FMN1: variants seen among roughly 807,000 people sequenced by gnomAD.
FMN1 encodes formin-1.
FMN1 carries 110 observed loss-of-function variants against 132.4 expected under a neutral mutation model. The observed-to-expected ratio is 0.83, with a 90% CI of 0.71 to 0.97. The LOEUF (loss-of-function observed/expected upper bound fraction) is 0.97, where lower values mean the gene tolerates loss of function less well. Ranked by LOEUF, FMN1 falls within the 50% of genes least tolerant of loss-of-function variation. FMN1 has a pLI of 0.00. For missense variants in FMN1, 1,792 were observed against 1,705.3 expected (o/e 1.05, Z -0.90); for synonymous variants, 722 against 651.7 (o/e 1.11, Z -1.64).
intron 15 of FMN1, among the ~76,000 whole-genome samples, chr15:32,891,296 G>A (rs1332193503): frequency 6.6e-6 from 1 of 152,216 alleles, no homozygotes; most frequent in Non-Finnish European, 1.5e-5. Flanking sequence ...CGCCCAGGCT[G>A]GAGTGCAGTG....
At chr15:33,084,947 T>C (rs917541864) in intron 5 of FMN1, among the ~76,000 whole-genome samples, 6 of 152,198 alleles carry the variant, frequency 3.9e-5, no homozygotes, top group African/African-American at 1.2e-4. Context: ...GTTAACATCC[T>C]GATTGTGACG....
At chr15:32,803,462 T>C (rs1168802303) in intron 18 of FMN1, among the ~76,000 whole-genome samples, 1 of 152,152 alleles carries the variant, frequency 6.6e-6, no homozygotes, top group East Asian at 1.9e-4. Flanking sequence ...ATGGTTCCCA[T>C]GTGATATCTA....
At chr15:32,900,150 A>G (rs754670847) in intron 13 of FMN1, 25 bp from the exon 14 acceptor site, 30 of 1,612,530 alleles carry the variant, frequency 1.9e-5, no homozygotes, top group Non-Finnish European at 2.4e-5. Context: ...ACCAGTTATT[A>G]CGGAGCTGAA....
chr15:33,165,717 A>G lies in FMN1; in HGVS notation c.-131-10672T>C, dbSNP rs78366816. Among the ~76,000 whole-genome samples the G allele has an allele frequency of 6.1e-3, 925 of 152,202 alleles. 13 individuals carry two copies. Among genetic ancestry groups the G allele is most frequent in the African/African-American group, 0.021 (882 of 41,542 alleles). ...GTTTTTCTTTTTAACAGGCAACTGC[A>G]AAGAGACGATTGTAACCCCATTTTA... On this transcript the variant is annotated intron_variant, in intron 3 of 20. Coordinates refer to ENST00000616417, the MANE Select transcript of FMN1 (RefSeq NM_001277313.2).
intron 4 of FMN1, among the ~76,000 whole-genome samples, chr15:33,128,093 T>A (rs547780535): frequency 6.6e-6 from 1 of 151,636 alleles, no homozygotes; most frequent in Non-Finnish European, 1.5e-5. Flanking sequence ...AAACCAAGAA[T>A]GAGGCCAGAA....
intron 4 of FMN1, among the ~76,000 whole-genome samples, chr15:33,116,819 CATCT>C (rs1170841357): frequency 2.0e-5 from 3 of 152,004 alleles, no homozygotes; most frequent in South Asian, 2.1e-4. Flanking sequence ...GGTTACTATC[CATCT>C]GACTTTGGGC....
intron 7 of FMN1, among the ~76,000 whole-genome samples, chr15:33,006,968 C>G (rs1180361339): frequency 1.3e-5 from 2 of 152,048 alleles, no homozygotes; most frequent in Admixed American, 6.6e-5. Flanking sequence ...GAAATAAATT[C>G]AAGATGATCT....
chr15:33,182,093 C>T (rs1595609704), intron 2 of FMN1, among the ~76,000 whole-genome samples: 1 of 152,120 alleles, frequency 6.6e-6, no homozygotes, highest in East Asian at 1.9e-4. Flanking sequence ...AGAGAGAAGC[C>T]AGTCGGGAGG....
intron 16 of FMN1, among the ~76,000 whole-genome samples, chr15:32,880,436 G>T (rs1407570223): frequency 6.6e-6 from 1 of 152,102 alleles, no homozygotes; most frequent in Non-Finnish European, 1.5e-5. Context: ...CCTTCTCCAT[G>T]ATGCTTTTGA....
At chr15:33,129,344 T>G (rs1293436524) in intron 4 of FMN1, among the ~76,000 whole-genome samples, 1 of 152,216 alleles carries the variant, frequency 6.6e-6, no homozygotes, top group African/African-American at 2.4e-5. Context: ...TAAACTTAAC[T>G]GAGCTGAAAT....
At position 32,776,583 on chromosome 15, in the gene FMN1, G is replaced by A. The variant is rs76850222; in HGVS notation, c.4215+252C>T. On this transcript the variant is annotated intron_variant, in intron 20 of 20. Coordinates refer to ENST00000616417, the MANE Select transcript of FMN1 (RefSeq NM_001277313.2). Reference sequence around the variant, plus strand: ...CTGTACTGCGGGTAGGGTGTGGAAGGATGTGAAATGGTAAGTGACTAAATT... The same window carrying A: ...CTGTACTGCGGGTAGGGTGTGGAAGAATGTGAAATGGTAAGTGACTAAATT... 0.016 allele frequency among the ~76,000 whole-genome samples: 2,470 copies of A among 152,196 alleles called. 133 individuals carry two copies. In the East Asian group the frequency reaches 0.17, roughly 11 times the overall value.
chr15:32,967,825 T>C (rs547795840), intron 8 of FMN1, among the ~76,000 whole-genome samples: 23 of 152,246 alleles, frequency 1.5e-4, no homozygotes, highest in Non-Finnish European at 2.8e-4. Context: ...AAGTGTTATA[T>C]AAATTGAAGA....
At chr15:32,993,479 CCT>C (rs777165984) in intron 7 of FMN1, among the ~76,000 whole-genome samples, 18 of 152,176 alleles carry the variant, frequency 1.2e-4, no homozygotes, top group South Asian at 6.2e-4. Context: ...GAAACTGCCC[CCT>C]GTCTACAGAG....
chr15:32,921,243 T>A (rs1180973738), intron 10 of FMN1, among the ~76,000 whole-genome samples: 1 of 151,988 alleles, frequency 6.6e-6, no homozygotes. Context: ...GAGAGTGGGG[T>A]GGAAAAGCGT....
At chr15:33,169,054 G>T (rs1288362009) in intron 3 of FMN1, among the ~76,000 whole-genome samples, 3 of 152,192 alleles carry the variant, frequency 2.0e-5, no homozygotes, top group African/African-American at 7.2e-5. Context: ...AGTTGGAGAT[G>T]TCACGATAGT....
At chr15:32,846,990 T>C (rs1475744854) in intron 17 of FMN1, among the ~76,000 whole-genome samples, 1 of 152,212 alleles carries the variant, frequency 6.6e-6, no homozygotes, top group Admixed American at 6.5e-5. Context: ...CTGACTGACT[T>C]GGCTCCATCC....
At chr15:33,016,397 A>T (rs113153598) in intron 6 of FMN1, among the ~76,000 whole-genome samples, 4,890 of 152,302 alleles carry the variant, frequency 0.032, 106 homozygotes, top group Admixed American at 0.051. Flanking sequence ...AGCTTATGAA[A>T]CCAAAGTGTG....
chr15:32,780,451 G>A (rs1444689446), intron 19 of FMN1, among the ~76,000 whole-genome samples: 1 of 152,140 alleles, frequency 6.6e-6, no homozygotes, highest in African/African-American at 2.4e-5. Context: ...ACCCTGTATG[G>A]TCTTAAAAAA....
At chr15:32,788,171 C>A (rs1484936277) in intron 19 of FMN1, among the ~76,000 whole-genome samples, 1 of 152,178 alleles carries the variant, frequency 6.6e-6, no homozygotes, top group Non-Finnish European at 1.5e-5. Context: ...CCTGGACTTG[C>A]CCTGGAATGC....
Sources: gnomAD v4.1 joint callset for allele counts (sites outside exome capture counted in the v4.1 genomes callset) on GRCh38, gnomAD v4.1.1 for gene constraint, MANE v1.5 for transcripts, NCBI Gene and HGNC (gene_info 2026-07-23, HGNC 2026-07-21) for gene names.